DST: variants seen among roughly 807,000 people sequenced by gnomAD.
DST encodes the protein dystonin, also known as bullous pemphigoid antigen.
In DST, 253 loss-of-function variants were observed where a neutral mutation model predicts 875.2. That is an observed-to-expected ratio of 0.29 (90% CI 0.26 to 0.32). DST has a LOEUF of 0.32. Ranked by LOEUF, DST falls within the 10% of genes least tolerant of loss-of-function variation. DST has a pLI of 1.00. For synonymous variants in DST, 3,124 were observed against 3,197.1 expected (o/e 0.98, Z 0.77); for missense variants, 8,287 against 9,111.6 (o/e 0.91, Z 3.68).
rs7769014 is a variant in DST at position 56,537,091 on chromosome 6, A to G, written c.16609-151T>C. Among the ~76,000 whole-genome samples, 9,149 of 152,316 alleles carry G rather than the reference A, an allele frequency of 0.06. 385 individuals carry two copies. The highest frequency in any genetic ancestry group is 0.14 in the East Asian group (726 of 5,186). ...TATTGTCTAGCCATAGGTCATAGCT[A>G]CCTTCTGAAGAACAGAAAGAAACTA... is the stretch of plus-strand genomic sequence containing the variant. On this transcript the variant is annotated intron_variant, in intron 61 of 103. Transcript: ENST00000680361.
chr6:56,926,659 C>T (rs1807261414), intron 2 of DST, among the ~76,000 whole-genome samples: 1 of 152,178 alleles, frequency 6.6e-6, no homozygotes. Context: ...GGTGTTATTC[C>T]ACCTTTTCCT....
intron 5 of DST, among the ~76,000 whole-genome samples, chr6:56,727,789 C>A (rs1324457529): frequency 6.6e-6 from 1 of 152,214 alleles, no homozygotes; most frequent in Non-Finnish European, 1.5e-5. Flanking sequence ...GTCTCCATTT[C>A]TTCTTCATGA....
At chr6:56,901,348 C>A (rs1378311119) in intron 2 of DST, among the ~76,000 whole-genome samples, 2 of 152,224 alleles carry the variant, frequency 1.3e-5, no homozygotes, top group African/African-American at 4.8e-5. Context: ...GTAATCCCAG[C>A]ACTTTGGGAG....
chr6:56,777,364 A>G (rs2099681218), intron 4 of DST, among the ~76,000 whole-genome samples: 2 of 152,104 alleles, frequency 1.3e-5, no homozygotes, highest in Admixed American at 1.3e-4. Context: ...AACCTAGCTT[A>G]AAGAATATTA....
At chr6:56,682,233 C>A (rs1487886403) in intron 9 of DST, among the ~76,000 whole-genome samples, 1 of 152,126 alleles carries the variant, frequency 6.6e-6, no homozygotes, top group African/African-American at 2.4e-5. Flanking sequence ...AGTGCAATGG[C>A]ACCATCATGG....
At chr6:56,529,941 C>CTG (rs1295085190) in intron 65 of DST, 33 bp downstream of exon 65, 1 of 1,608,178 alleles carries the variant, frequency 6.2e-7, no homozygotes, top group East Asian at 2.2e-5. Flanking sequence ...ACAATAAAAA[C>CTG]TGAACCTCGC....
chr6:56,698,870 G>A (rs994371679), intron 9 of DST, among the ~76,000 whole-genome samples: 12 of 152,246 alleles, frequency 7.9e-5, no homozygotes, highest in African/African-American at 2.4e-4. Context: ...GGTATATTGC[G>A]TGATGTTGAG....
intron 4 of DST, among the ~76,000 whole-genome samples, chr6:56,835,512 T>TA (rs1453489612): frequency 1.3e-5 from 2 of 152,212 alleles, no homozygotes; most frequent in Non-Finnish European, 2.9e-5. Flanking sequence ...AAAACTGCTC[T>TA]AAAAAATAAT....
chr6:56,944,351 A>G (rs1592791560), intron 2 of DST, among the ~76,000 whole-genome samples: 1 of 148,604 alleles, frequency 6.7e-6, no homozygotes, highest in East Asian at 1.9e-4. Context: ...GAGTCTCACA[A>G]TAACAAAAAA....
chr6:56,599,880 T>C (rs1393611084), intron 45 of DST, among the ~76,000 whole-genome samples, 189 bp downstream of exon 45: 2 of 152,080 alleles, frequency 1.3e-5, no homozygotes. Flanking sequence ...AAAAATTACC[T>C]AGCTTGCTTG....
chr6:56,829,975 A>G (rs546426888), intron 4 of DST, among the ~76,000 whole-genome samples: 22 of 151,314 alleles, frequency 1.5e-4, no homozygotes, highest in African/African-American at 5.4e-4. Flanking sequence ...TCTAAAATTC[A>G]TAGTGATTAG....
rs1391792612 is a variant in DST at position 56,553,454 on chromosome 6, A to T, written c.15338T>A (p.Met5113Lys). Residue 5113 changes from methionine to lysine, a missense_variant, in exon 61 of 104, where the codon ATG becomes AAG. Physicochemically the swap from Met to Lys is moderately conservative, Grantham distance 95. Coordinates refer to ENST00000680361, the MANE Select transcript of DST (RefSeq NM_001374736.1). ...ACCTTCTGCAATGGTTTTTTCATAC[A>T]TATGAGACTGAGCGGTCAAAGTTTT... ...FSKTLTAQSH[M>K]YEKTIAEGEN... is the part of the protein sequence containing the mutation. 4 of 1,611,724 alleles carry T rather than the reference A, an allele frequency of 2.5e-6. No individual in the cohort carries two copies. The highest frequency in any genetic ancestry group is 3.4e-6 in the Non-Finnish European group (4 of 1,179,196).
rs375301517 is a variant in DST, at chr6:56,954,438, T to C, written c.150A>G (p.Lys50=). Residue 50 remains lysine, a synonymous_variant, in exon 1 of 104, where the codon AAA becomes AAG. Transcript: ENST00000680361. ...TTCTTGAACGACCCGAGAAGACCGA[T>C]TTCATCGGATGCCTCCCTTTCTGGA... The part of the protein sequence containing the change: ...RKLQKGRHPM[K]SVFSGRSRSR... 263 of 1,367,456 alleles carry C rather than the reference T, an allele frequency of 1.9e-4. 2 individuals carry two copies. In the Admixed American group the frequency reaches 5.0e-3, roughly 26 times the overall value. The allele number at this position is 1,367,456 out of a possible 1,614,324, so 84.7% of individuals were successfully genotyped here. A position where few individuals can be genotyped will look rare whatever the true frequency, so the allele number is the denominator to read the frequency against.
chr6:56,460,153 G>C lies in DST; in HGVS notation c.23172C>G (p.Ala7724=). The C allele has an allele frequency of 6.2e-6, 10 of 1,613,502 alleles. No individual in the cohort carries two copies. Among genetic ancestry groups the C allele is most frequent in the Non-Finnish European group, 8.5e-6 (10 of 1,179,538 alleles). The change falls in exon 103 of 104, where the codon GCC becomes GCG. Residue 7724 remains alanine, a synonymous_variant. Transcript: ENST00000680361. ...EDSGLITTAA[A]RVRTQFADSK... ...CACCAGCAAACTGTGTTCGGACTCT[G>C]GCAGCTGCAGTTGTTATCAAGCCAC...
intron 4 of DST, among the ~76,000 whole-genome samples, chr6:56,791,787 C>CAAAAA (rs139051174): frequency 3.8e-5 from 3 of 78,120 alleles, no homozygotes; most frequent in African/African-American, 1.3e-4. Context: ...GACCCTGTCT[C>CAAAAA]AAAAAAAAAA....
intron 4 of DST, among the ~76,000 whole-genome samples, chr6:56,848,772 C>T (rs1237532446): frequency 1.3e-5 from 2 of 152,094 alleles, no homozygotes; most frequent in Non-Finnish European, 2.9e-5. Flanking sequence ...TGGTGGCTCA[C>T]GCCTGTAATC....
Position 56,472,064 on chromosome 6 carries a change from C to G in DST, c.22153G>C (p.Glu7385Gln). ...RKLNDALDRL[E>Q]ELREFANFDF... ...GAGGGTATGAATTTCCAAACCTCCT[C>G]TAGTCTGTCCAAGGCATCATTGAGT... The change falls in exon 94 of 104, where the codon GAG becomes CAG. Residue 7385 changes from glutamate to glutamine, a missense_variant. Glu to Gln is a conservative substitution (Grantham distance 29, BLOSUM62 2). This residue lies in a region of DST where 1,292 missense variants were observed against 1,552.7 expected (regional missense o/e 0.83). Transcript: ENST00000680361. 6.2e-7 allele frequency: 1 copy of G among 1,613,898 alleles called. No individual in the cohort carries two copies. Among genetic ancestry groups the G allele is most frequent in the Non-Finnish European group, 8.5e-7 (1 of 1,179,798 alleles).
chr6:56,837,080 A>C (rs2099794678), intron 4 of DST, among the ~76,000 whole-genome samples: 1 of 152,086 alleles, frequency 6.6e-6, no homozygotes, highest in South Asian at 2.1e-4. Context: ...ACAGACTGAT[A>C]AGGTATTACT....
At position 56,560,396 on chromosome 6, in the gene DST, C is replaced by T. The variant is rs2097518977; in HGVS notation, c.14338G>A (p.Val4780Ile). Residue 4780 changes from valine (V) to isoleucine (I), a missense_variant, in exon 58 of 104, where the codon GTA becomes ATA. Coordinates refer to ENST00000680361, the MANE Select transcript of DST (RefSeq NM_001374736.1). ...KSFEAELKQNVNKVQELKDKL... is the reference protein window; with the variant it reads ...KSFEAELKQNINKVQELKDKL... ...TCTTTCAACTCCTGTACTTTGTTTA[C>T]ATTCTGCTTCAGTTCTGCCTCAAAC... 3.7e-6 allele frequency: 6 copies of T among 1,601,406 alleles called. No individual in the cohort carries two copies. Among genetic ancestry groups the T allele is most frequent in the Non-Finnish European group, 4.3e-6 (5 of 1,172,778 alleles).
Sources: allele counts gnomAD v4.1 joint callset (sites outside exome capture counted in the v4.1 genomes callset), GRCh38; gene constraint gnomAD v4.1.1; regional missense constraint gnomAD v4.1.1; transcripts MANE v1.5; gene names NCBI Gene and HGNC (gene_info 2026-07-23, HGNC 2026-07-21).